The following GLCE variants were observed in gnomAD, a reference collection of about 807,000 sequenced individuals.
GLCE encodes the protein glucuronic acid epimerase.
Under a neutral mutation model 47.9 loss-of-function variants are expected in GLCE, and 19 were observed. The observed-to-expected ratio is 0.40, with a 90% CI of 0.28 to 0.58. GLCE has a LOEUF of 0.58. Among genes scored for constraint, GLCE ranks in the 20% least tolerant of loss-of-function variants. GLCE has a pLI of 0.48. For synonymous variants in GLCE, 245 were observed against 263.4 expected (o/e 0.93, Z 0.68); for missense variants, 556 against 743.3 (o/e 0.75, Z 2.93).
chr15:69,170,724 T>C (rs1167170495), intron 1 of GLCE, among the ~76,000 whole-genome samples: 1 of 152,262 alleles, frequency 6.6e-6, no homozygotes, highest in African/African-American at 2.4e-5. Flanking sequence ...ATCTGGCTAC[T>C]GGCCCAGAAG....
chr15:69,170,343 A>G (rs1394738083), intron 1 of GLCE, among the ~76,000 whole-genome samples: 1 of 152,094 alleles, frequency 6.6e-6, no homozygotes, highest in Non-Finnish European at 1.5e-5. Flanking sequence ...ATCTAGAATT[A>G]TTGTTCTTTA....
At chr15:69,173,109 A>C (rs943798755) in intron 1 of GLCE, among the ~76,000 whole-genome samples, 1 of 152,172 alleles carries the variant, frequency 6.6e-6, no homozygotes, top group African/African-American at 2.4e-5. Flanking sequence ...AACTATCCCA[A>C]TATTCAGCAC....
intron 1 of GLCE, among the ~76,000 whole-genome samples, chr15:69,161,736 T>C (rs1472004635): frequency 2.0e-5 from 3 of 152,216 alleles, no homozygotes; most frequent in Admixed American, 6.5e-5. Flanking sequence ...TGCAGTTTTC[T>C]TTTCTCTGCC....
chr15:69,206,976 A>C (rs1285472776), intron 1 of GLCE, among the ~76,000 whole-genome samples: 1 of 152,092 alleles, frequency 6.6e-6, no homozygotes, highest in African/African-American at 2.4e-5. Context: ...TGTTAAGTTC[A>C]TACTGATGTC....
At chr15:69,168,371 G>T (rs1346954894) in intron 1 of GLCE, among the ~76,000 whole-genome samples, 1 of 152,156 alleles carries the variant, frequency 6.6e-6, no homozygotes, top group Non-Finnish European at 1.5e-5. Context: ...ATACAGAACG[G>T]TGCATTTTAC....
chr15:69,229,272 G>T (rs758850389), intron 2 of GLCE, among the ~76,000 whole-genome samples: 8 of 152,216 alleles, frequency 5.3e-5, no homozygotes, highest in Non-Finnish European at 8.8e-5. Flanking sequence ...GCTAAAATGA[G>T]TATGGCCACA....
At chr15:69,217,305 T>C (rs2052320413) in intron 2 of GLCE, among the ~76,000 whole-genome samples, 1 of 151,834 alleles carries the variant, frequency 6.6e-6, no homozygotes, top group South Asian at 2.1e-4. Context: ...TTTTTGTTTG[T>C]TTTTTATTGA....
At chr15:69,174,627 AAAACAAAAC>A (rs1452668692) in intron 1 of GLCE, among the ~76,000 whole-genome samples, 1 of 152,114 alleles carries the variant, frequency 6.6e-6, no homozygotes, top group African/African-American at 2.4e-5. Context: ...AAAACAAAAC[AAAACAAAAC>A]AAACAAACAA....
rs1274962252 is a variant in GLCE at position 69,261,103 on chromosome 15, A to G, written c.603A>G (p.Thr201=). 5 of 1,612,590 alleles carry G rather than the reference A, an allele frequency of 3.1e-6. No individual in the cohort carries two copies. Among genetic ancestry groups the G allele is most frequent in the Non-Finnish European group, 4.2e-6 (5 of 1,178,786 alleles). The change falls in exon 4 of 5, where the codon ACA becomes ACG. Residue 201 remains threonine (T), a synonymous_variant. Transcript: ENST00000261858. The stretch of plus-strand genomic sequence containing the variant: ...ATTTTATAGGTGTGCCATTATCTAC[A>G]CAATGGGGACCTCAAGGCTATTTCT... ...ISGVEGVPLS[T]QWGPQGYFYP...
chr15:69,194,957 A>G (rs1288454139), intron 1 of GLCE, among the ~76,000 whole-genome samples: 1 of 152,158 alleles, frequency 6.6e-6, no homozygotes, highest in Non-Finnish European at 1.5e-5. Flanking sequence ...GTGAGGTAAT[A>G]TGTTGTGAAA....
chr15:69,233,049 A>G (rs2052546633), intron 2 of GLCE, among the ~76,000 whole-genome samples: 1 of 152,226 alleles, frequency 6.6e-6, no homozygotes, highest in African/African-American at 2.4e-5. Flanking sequence ...TGATTATTAA[A>G]GATTGTAGAA....
intron 1 of GLCE, among the ~76,000 whole-genome samples, chr15:69,192,319 C>G (rs1381206889): frequency 1.3e-5 from 2 of 151,746 alleles, no homozygotes; most frequent in South Asian, 2.1e-4. Context: ...CTAATACTTT[C>G]TTTTGTAGTG....
intron 1 of GLCE, among the ~76,000 whole-genome samples, chr15:69,191,334 C>T (rs2051910537): frequency 6.6e-6 from 1 of 152,070 alleles, no homozygotes; most frequent in Non-Finnish European, 1.5e-5. Flanking sequence ...TAGTGTATCA[C>T]CTCCGGTTTG....
At chr15:69,190,092 AT>A (rs77328875) in intron 1 of GLCE, among the ~76,000 whole-genome samples, 25 of 151,156 alleles carry the variant, frequency 1.7e-4, no homozygotes, top group East Asian at 1.2e-3. Context: ...ATGTTTGGAG[AT>A]TTTTTTTTAG....
At chr15:69,174,934 A>G (rs2051641195) in intron 1 of GLCE, among the ~76,000 whole-genome samples, 2 of 152,248 alleles carry the variant, frequency 1.3e-5, no homozygotes, top group South Asian at 2.1e-4. Flanking sequence ...TATTAGTACT[A>G]TATCCTATAC....
In GLCE at chr15:69,255,832, A is replaced by G. The variant is rs774052098; in HGVS notation, c.26A>G (p.Asn9Ser). The change falls in exon 3 of 5, where the codon AAC (asparagine) becomes AGC (serine). Residue 9 changes from asparagine to serine, a missense_variant. Around this residue, in one of 3 missense-constraint regions of GLCE, gnomAD observed 237 missense variants for 310.9 expected, o/e 0.76. Coordinates refer to ENST00000261858, the MANE Select transcript of GLCE (RefSeq NM_015554.3). ...ATGCGTTGCTTGGCAGCTCGGGTCA[A>G]CTATAAGACTTTGATTATTATCTGC... MRCLAARV[N>S]YKTLIIICAL... 1 of 1,612,316 alleles carries G rather than the reference A, an allele frequency of 6.2e-7. No individual in the cohort carries two copies.
Position 69,261,309 on chromosome 15 carries a change from TCAAA to T in GLCE, c.812_815del (p.Lys271SerfsTer30). The T allele has an allele frequency of 1.2e-6, 2 of 1,613,832 alleles. No homozygotes were observed. The highest frequency in any genetic ancestry group is 1.7e-6 in the Non-Finnish European group (2 of 1,179,878). On this transcript the variant is annotated frameshift_variant, in exon 4 of 5. Coordinates refer to ENST00000261858, the MANE Select transcript of GLCE (RefSeq NM_015554.3). LOFTEE classifies it high-confidence loss of function. ...GCTGATAAGTCTAGATTCACCAATG[TCAAA>T]CAGTTTATTGCACCAGGTAAGTTAT...
At chr15:69,210,205 T>A (rs1474119049) in intron 1 of GLCE, 111 bp from the exon 2 acceptor site, 1 of 152,158 alleles carries the variant, frequency 6.6e-6, no homozygotes, top group Non-Finnish European at 1.5e-5. Context: ...TTAGTAGTTG[T>A]TCCATGCATT....
chr15:69,218,784 A>G (rs1438620750), intron 2 of GLCE, among the ~76,000 whole-genome samples: 1 of 152,210 alleles, frequency 6.6e-6, no homozygotes, highest in African/African-American at 2.4e-5. Flanking sequence ...AACATTACTG[A>G]TAATTGTTTC....
Sources: gnomAD v4.1 joint callset for allele counts (sites outside exome capture counted in the v4.1 genomes callset) on GRCh38, gnomAD v4.1.1 for gene constraint, gnomAD v4.1.1 regional missense constraint, MANE v1.5 for transcripts, NCBI Gene and HGNC (gene_info 2026-07-23, HGNC 2026-07-21) for gene names.